Variants in OPCML observed in about 807,000 individuals in gnomAD.
OPCML encodes the protein opioid-binding protein/cell adhesion molecule.
A neutral mutation model predicts 37.8 loss-of-function variants in OPCML; 13 were observed. That is an observed-to-expected ratio of 0.34 (90% CI 0.22 to 0.55). OPCML has a LOEUF of 0.55. Among genes scored for constraint, OPCML ranks in the 20% least tolerant of loss-of-function variants. The probability of loss-of-function intolerance (pLI) is 0.91; values close to 1 mark genes in which losing one functional copy is unlikely to be tolerated. For missense variants in OPCML, 341 were observed against 435.6 expected, an observed-to-expected ratio of 0.78 and a Z score of 1.93; for synonymous variants, 176 against 168.8, an observed-to-expected ratio of 1.04 and a Z score of -0.33.
chr11:133,257,487 G>A (rs1476202675), intron 1 of OPCML, among the ~76,000 whole-genome samples: 1 of 152,184 alleles, frequency 6.6e-6, no homozygotes. Flanking sequence ...AAGTTGGGTT[G>A]TGTGGCTGCT....
intron 4 of OPCML, among the ~76,000 whole-genome samples, chr11:132,444,398 G>A: frequency 6.6e-6 from 1 of 152,158 alleles, no homozygotes; most frequent in East Asian, 1.9e-4. Flanking sequence ...TTCTTTTGAA[G>A]GATACACATC....
At chr11:132,646,902 G>A (rs1941178372) in intron 3 of OPCML, among the ~76,000 whole-genome samples, 1 of 152,176 alleles carries the variant, frequency 6.6e-6, no homozygotes, top group African/African-American at 2.4e-5. Context: ...AGGAGCCAAT[G>A]ATATAGAGCT....
intron 2 of OPCML, 200 bp from the exon 3 acceptor site, chr11:132,657,519 T>C: frequency 1.5e-6 from 1 of 655,292 alleles, no homozygotes; most frequent in Non-Finnish European, 1.9e-6. Context: ...GAACTGACAA[T>C]ACAAAATCAT....
intron 3 of OPCML, among the ~76,000 whole-genome samples, chr11:132,607,599 T>A (rs1251129572): frequency 6.6e-6 from 1 of 152,198 alleles, no homozygotes; most frequent in Non-Finnish European, 1.5e-5. Context: ...CACCTGCTTT[T>A]CTATACTGAG....
At chr11:133,451,924 C>A (rs1195964884) in intron 1 of OPCML, among the ~76,000 whole-genome samples, 1 of 151,236 alleles carries the variant, frequency 6.6e-6, no homozygotes, top group Non-Finnish European at 1.5e-5. Flanking sequence ...CCAGCTAAGG[C>A]CAAAAGGACT....
intron 1 of OPCML, among the ~76,000 whole-genome samples, chr11:133,490,339 C>T (rs186291265): frequency 1.3e-3 from 195 of 152,266 alleles, no homozygotes; most frequent in African/African-American, 4.5e-3. Context: ...CAATATTTCA[C>T]TGTGAGTTCT....
intron 3 of OPCML, among the ~76,000 whole-genome samples, chr11:132,542,782 A>C (rs2096359927): frequency 6.6e-6 from 1 of 152,038 alleles, no homozygotes; most frequent in African/African-American, 2.4e-5. Context: ...CAGGCCATCT[A>C]TCTGGAATCA....
chr11:133,482,154 TG>T (rs1947385591), intron 1 of OPCML, among the ~76,000 whole-genome samples: 1 of 152,146 alleles, frequency 6.6e-6, no homozygotes, highest in Non-Finnish European at 1.5e-5. Context: ...ACCCTGAAGC[TG>T]GGTTTTCAAC....
chr11:133,332,609 T>C (rs916868539), intron 1 of OPCML, among the ~76,000 whole-genome samples: 6 of 152,140 alleles, frequency 3.9e-5, no homozygotes, highest in Non-Finnish European at 7.3e-5. Context: ...TATTTTGAGG[T>C]CTGTTTCTTT....
chr11:133,223,538 G>A (rs560311561), intron 1 of OPCML, among the ~76,000 whole-genome samples: 4 of 152,234 alleles, frequency 2.6e-5, no homozygotes, highest in East Asian at 1.9e-4. Context: ...ATATGGGGAC[G>A]GGGGTCAGAG....
intron 1 of OPCML, among the ~76,000 whole-genome samples, chr11:133,288,625 A>C (rs1281337046): frequency 6.6e-6 from 1 of 152,180 alleles, no homozygotes; most frequent in African/African-American, 2.4e-5. Context: ...TGGGAACTTT[A>C]AAAACATATG....
rs115478830 is a variant in OPCML at position 132,566,714 on chromosome 11, T to C, written c.380-37528A>G. On this transcript the variant is annotated intron_variant, in intron 3 of 7. Coordinates refer to ENST00000524381, the MANE Select transcript of OPCML (RefSeq NM_001012393.5). The stretch of plus-strand genomic sequence containing the variant: ...GCATTTTCTGTTTATCACTGCGAGG[T>C]GTCTTCACAGAGTTTGAAAACAAGT... Among the ~76,000 whole-genome samples the C allele has an allele frequency of 8.6e-3, 1,308 of 152,322 alleles. 21 individuals carry two copies. Among genetic ancestry groups the C allele is most frequent in the African/African-American group, 0.03 (1,244 of 41,572 alleles).
At chr11:133,038,572 A>G (rs1947827267) in intron 1 of OPCML, among the ~76,000 whole-genome samples, 1 of 152,204 alleles carries the variant, frequency 6.6e-6, no homozygotes, top group African/African-American at 2.4e-5. Flanking sequence ...GCCCAGAGAT[A>G]TTAGAGAATG....
At chr11:132,782,089 G>C (rs1947051112) in intron 2 of OPCML, among the ~76,000 whole-genome samples, 1 of 151,698 alleles carries the variant, frequency 6.6e-6, no homozygotes, top group Non-Finnish European at 1.5e-5. Flanking sequence ...CTCTGCAAAT[G>C]TTTGAAATGG....
intron 2 of OPCML, among the ~76,000 whole-genome samples, chr11:132,853,605 T>C (rs1000376831): frequency 6.6e-6 from 1 of 152,228 alleles, no homozygotes; most frequent in African/African-American, 2.4e-5. Flanking sequence ...CTATTTATAA[T>C]GATTCCCCAT....
intron 5 of OPCML, 71 bp from the exon 6 acceptor site, chr11:132,436,850 G>A (rs1376630791): frequency 6.4e-7 from 1 of 1,563,406 alleles, no homozygotes; most frequent in African/African-American, 1.4e-5. Flanking sequence ...TCGTGAAAGA[G>A]ATGAAGGGCA....
At chr11:132,957,594 T>C (rs1207720406) in intron 1 of OPCML, among the ~76,000 whole-genome samples, 1 of 152,256 alleles carries the variant, frequency 6.6e-6, no homozygotes, top group Non-Finnish European at 1.5e-5. Flanking sequence ...TTGCAGATAC[T>C]GGGTATTTTA....
At chr11:132,543,327 T>C (rs952216426) in intron 3 of OPCML, among the ~76,000 whole-genome samples, 2 of 151,998 alleles carry the variant, frequency 1.3e-5, no homozygotes, top group South Asian at 2.1e-4. Context: ...GCCTGGGCAA[T>C]GTAGCAAGTC....
At chr11:132,520,321 A>G (rs2096289693) in intron 4 of OPCML, among the ~76,000 whole-genome samples, 1 of 152,154 alleles carries the variant, frequency 6.6e-6, no homozygotes, top group Non-Finnish European at 1.5e-5. Context: ...TCATAAAGCT[A>G]CCATTTTAGT....
Sources: gnomAD v4.1 joint callset for allele counts (sites outside exome capture counted in the v4.1 genomes callset) on GRCh38, gnomAD v4.1.1 for gene constraint, MANE v1.5 for transcripts, NCBI Gene and HGNC (gene_info 2026-07-23, HGNC 2026-07-21) for gene names.